The following GABPB2 variants were observed in gnomAD, a reference collection of about 807,000 sequenced individuals.
GABPB2 encodes GA binding protein transcription factor subunit beta 2.
A neutral mutation model predicts 39.1 loss-of-function variants in GABPB2; 23 were observed. The observed-to-expected ratio is 0.59, with a 90% confidence interval of 0.42 to 0.83. The LOEUF (loss-of-function observed/expected upper bound fraction) is 0.83. Ranked by LOEUF, GABPB2 falls within the 40% of genes least tolerant of loss-of-function variation. The pLI is 0.00. For synonymous variants in GABPB2, 184 were observed against 199.3 expected (o/e 0.92, Z 0.65); for missense variants, 467 against 541.1 (o/e 0.86, Z 1.36).
intron 1 of GABPB2, among the ~76,000 whole-genome samples, chr1:151,077,866 C>T (rs587631129): frequency 1.3e-5 from 2 of 151,968 alleles, no homozygotes; most frequent in South Asian, 4.2e-4. Context: ...ACAGGAGAAT[C>T]GCTTGAACCC....
At chr1:151,103,044 C>T (rs200096465) in intron 5 of GABPB2, among the ~76,000 whole-genome samples, 6 of 88,230 alleles carry the variant, frequency 6.8e-5, no homozygotes, top group Non-Finnish European at 6.2e-5. Flanking sequence ...ACAAAGTATA[C>T]TTTTTTTTTT....
intron 7 of GABPB2, 84 bp from the exon 8 acceptor site, chr1:151,117,308 G>A: frequency 7.1e-7 from 1 of 1,411,874 alleles, no homozygotes; most frequent in Non-Finnish European, 9.8e-7. Flanking sequence ...ATATATTTTA[G>A]TTTATTTTCT....
At chr1:151,078,898 C>G (rs1485269110) in intron 1 of GABPB2, among the ~76,000 whole-genome samples, 2 of 151,850 alleles carry the variant, frequency 1.3e-5, no homozygotes, top group Non-Finnish European at 2.9e-5. Flanking sequence ...TCTCCAACTC[C>G]TGCCCTCAAG....
intron 1 of GABPB2, among the ~76,000 whole-genome samples, chr1:151,084,532 GTT>G (rs759845986): frequency 2.0e-5 from 2 of 98,610 alleles, no homozygotes; most frequent in Non-Finnish European, 2.1e-5. Flanking sequence ...GGCCCTAGCT[GTT>G]TTTTTTTTTT....
At chr1:151,091,535 C>G (rs1462097451) in intron 3 of GABPB2, among the ~76,000 whole-genome samples, 1 of 138,880 alleles carries the variant, frequency 7.2e-6, no homozygotes, top group African/African-American at 2.7e-5. Context: ...AGTGCGGTGG[C>G]ACAATCTTGG....
intron 1 of GABPB2, among the ~76,000 whole-genome samples, chr1:151,072,551 T>TA (rs1394399278): frequency 6.7e-6 from 1 of 150,088 alleles, no homozygotes; most frequent in Non-Finnish European, 1.5e-5. Flanking sequence ...CCTGTCTCTT[T>TA]AAAAAACAAA....
chr1:151,100,237 T>A (rs1679409634), intron 5 of GABPB2, among the ~76,000 whole-genome samples: 1 of 150,870 alleles, frequency 6.6e-6, no homozygotes, highest in Admixed American at 6.6e-5. Flanking sequence ...CTCCGCCTCC[T>A]GGGTTCAAGT....
At chr1:151,094,276 T>G (rs1558141621) in intron 4 of GABPB2, among the ~76,000 whole-genome samples, 1 of 151,440 alleles carries the variant, frequency 6.6e-6, no homozygotes, top group Non-Finnish European at 1.5e-5. Flanking sequence ...GGTCTCGAAC[T>G]CCTAACTTCA....
Position 151,103,680 on chromosome 1 carries a change from G to T in GABPB2, c.736+5G>T. On this transcript the variant is annotated splice_donor_5th_base_variant and intron_variant, in intron 6 of 8. Transcript: ENST00000368918. Reference sequence around the variant, plus strand: ...CCAACTCACACAGAGCCACAGGTAGGTAAGGGATATGCTGCTGGGTGAATC... The same window carrying T: ...CCAACTCACACAGAGCCACAGGTAGTTAAGGGATATGCTGCTGGGTGAATC... The T allele has an allele frequency of 6.3e-7, 1 of 1,586,428 alleles. No homozygotes were observed. The highest frequency in any genetic ancestry group is 1.1e-5 in the South Asian group (1 of 90,498).
At chr1:151,117,580 T>C (rs1680974674) in intron 8 of GABPB2, 64 bp downstream of exon 8, 1 of 1,539,326 alleles carries the variant, frequency 6.5e-7, no homozygotes, top group African/African-American at 1.4e-5. Context: ...GAACCCTTCT[T>C]CATCTTTTCT....
At position 151,117,454 on chromosome 1, in the gene GABPB2, A is replaced by G. The variant is rs768103162; in HGVS notation, c.985A>G (p.Lys329Glu). The change falls in exon 8 of 9, where the codon AAG becomes GAG. Residue 329 changes from lysine (K) to glutamate (E), a missense_variant. Coordinates refer to ENST00000368918, the MANE Select transcript of GABPB2 (RefSeq NM_144618.3). ...ETVIKEEEEE[K>E]LPLTKKPRIG... The stretch of plus-strand genomic sequence containing the variant: ...TGTAATTAAAGAGGAAGAAGAAGAG[A>G]AGTTGCCACTAACAAAGAAACCAAG... The G allele has an allele frequency of 1.2e-6, 2 of 1,613,718 alleles. No homozygotes were observed. The highest frequency in any genetic ancestry group is 8.5e-7 in the Non-Finnish European group (1 of 1,179,736).
At position 151,108,467 on chromosome 1, in the gene GABPB2, C is replaced by G. The variant is rs55699288; in HGVS notation, c.922+1245C>G. Among the ~76,000 whole-genome samples the G allele has an allele frequency of 6.9e-3, 1,054 of 152,234 alleles. 2 individuals carry two copies. The highest frequency in any genetic ancestry group is 0.011 in the Non-Finnish European group (733 of 68,014). On this transcript the variant is annotated intron_variant, in intron 7 of 8. Coordinates refer to ENST00000368918, the MANE Select transcript of GABPB2 (RefSeq NM_144618.3). ...GATTATAGGTATGAGTCATCACACC[C>G]AGTGATGTTGTGTACCTTTTGGTTA...
chr1:151,114,608 GAATCTC>G (rs1416232804), intron 7 of GABPB2, among the ~76,000 whole-genome samples: 1 of 152,102 alleles, frequency 6.6e-6, no homozygotes, highest in Non-Finnish European at 1.5e-5. Flanking sequence ...TGAGGCAGGA[GAATCTC>G]TTGAACCCAG....
chr1:151,082,080 T>C (rs983053668), intron 1 of GABPB2, among the ~76,000 whole-genome samples: 3 of 149,328 alleles, frequency 2.0e-5, no homozygotes, highest in Admixed American at 6.7e-5. Flanking sequence ...CTTTTTCTTT[T>C]TTTTTTTTTT....
intron 1 of GABPB2, among the ~76,000 whole-genome samples, chr1:151,072,578 G>T (rs994641852): frequency 6.6e-6 from 1 of 152,124 alleles, no homozygotes; most frequent in African/African-American, 2.4e-5. Flanking sequence ...GGGCGTGGTG[G>T]CTCTGGCCTG....
At chr1:151,117,555 T>A in intron 8 of GABPB2, 39 bp downstream of exon 8, 1 of 1,604,250 alleles carries the variant, frequency 6.2e-7, no homozygotes, top group Non-Finnish European at 8.5e-7. Flanking sequence ...TTTAAAGCCT[T>A]AATTATTAAG....
At chr1:151,104,814 C>CTTTCTTTCTTTCTTTCTTT (rs1402126253) in intron 6 of GABPB2, among the ~76,000 whole-genome samples, 1 of 36,252 alleles carries the variant, frequency 2.8e-5, no homozygotes, top group Admixed American at 3.4e-4. Context: ...TTCTTTCTTT[C>CTTTCTTTCTTTCTTTCTTT]CTTTCTTTCT....
intron 5 of GABPB2, among the ~76,000 whole-genome samples, 175 bp from the exon 6 acceptor site, chr1:151,103,387 T>C (rs1368056417): frequency 3.3e-5 from 5 of 152,130 alleles, no homozygotes; most frequent in African/African-American, 1.2e-4. Flanking sequence ...GGAAAAACTT[T>C]TTAAACCTTA....
At chr1:151,089,831 A>G (rs1187536925) in intron 2 of GABPB2, among the ~76,000 whole-genome samples, 2 of 152,074 alleles carry the variant, frequency 1.3e-5, no homozygotes, top group Admixed American at 1.3e-4. Context: ...GACGTTGCGT[A>G]AAGTCACGTC....
Sources: allele counts gnomAD v4.1 joint callset (sites outside exome capture counted in the v4.1 genomes callset), GRCh38; gene constraint gnomAD v4.1.1; transcripts MANE v1.5; gene names NCBI Gene and HGNC (gene_info 2026-07-23, HGNC 2026-07-21).